Variants in SLC38A10 observed in about 807,000 individuals in gnomAD.
SLC38A10 encodes Sodium-coupled neutral amino acid transporter 10.
A neutral mutation model predicts 81.0 loss-of-function variants in SLC38A10; 53 were observed. The ratio of observed to expected loss-of-function variants is 0.65; its 90% CI spans 0.53 to 0.82. The LOEUF is 0.82. Among genes scored for constraint, SLC38A10 ranks in the 40% least tolerant of loss-of-function variants. The pLI is 0.00. For missense variants in SLC38A10, 1,471 were observed against 1,545.0 expected (o/e 0.95, Z 0.80); for synonymous variants, 665 against 655.3 (o/e 1.01, Z -0.23).
intron 11 of SLC38A10, among the ~76,000 whole-genome samples, chr17:81,256,934 T>C (rs1223356241): frequency 6.6e-6 from 1 of 152,208 alleles, no homozygotes; most frequent in African/African-American, 2.4e-5. Flanking sequence ...CGGAACCTCC[T>C]CACCACTGCT....
rs747963428 is a variant in SLC38A10, at chr17:81,246,441, C to T, written c.2475G>A (p.Glu825=). The T allele has an allele frequency of 5.6e-6, 9 of 1,594,706 alleles. No homozygotes were observed. The East Asian group carries it at 1.6e-4, about 28-fold the overall frequency. ...AGPPDGGPDT[E]PRAAQAKLRD... ...TCAGCTTGGCCTGGGCTGCCCGAGG[C>T]TCTGTGTCAGGGCCGCCGTCAGGAG... Residue 825 remains glutamate (E), a synonymous_variant, in exon 16 of 16, where the codon GAG becomes GAA. Coordinates refer to ENST00000374759, the MANE Select transcript of SLC38A10 (RefSeq NM_001037984.3).
intron 8 of SLC38A10, 139 bp downstream of exon 8, chr17:81,275,830 C>T (rs2063155869): frequency 1.6e-5 from 16 of 986,442 alleles, no homozygotes; most frequent in Non-Finnish European, 2.2e-5. Context: ...TAGGCTCCCC[C>T]AACTTCCGCC....
chr17:81,251,727 T>C, intron 13 of SLC38A10, 115 bp from the exon 14 acceptor site: 2 of 1,162,178 alleles, frequency 1.7e-6, no homozygotes, highest in Non-Finnish European at 2.3e-6. Context: ...GTTTCTAAAG[T>C]GACACCCCCG....
At chr17:81,250,970 C>T (rs1314566631) in intron 14 of SLC38A10, 19 of 1,322,682 alleles carry the variant, frequency 1.4e-5, no homozygotes, top group African/African-American at 4.5e-5. Context: ...TGAACACAGC[C>T]GAGCTCCGAG....
chr17:81,258,562 C>T (rs745870576), intron 11 of SLC38A10, among the ~76,000 whole-genome samples: 52 of 152,140 alleles, frequency 3.4e-4, no homozygotes, highest in Admixed American at 8.5e-4. Context: ...ACCGAGAAGT[C>T]CACTCCCCGG....
At chr17:81,263,007 C>T (rs543324888) in intron 10 of SLC38A10, 2 of 152,370 alleles carry the variant, frequency 1.3e-5, no homozygotes, top group East Asian at 3.9e-4. Flanking sequence ...ACCGACGAGC[C>T]TTGGAAAGGA....
intron 1 of SLC38A10, among the ~76,000 whole-genome samples, chr17:81,292,834 G>A (rs372492633): frequency 3.0e-4 from 45 of 152,200 alleles, no homozygotes; most frequent in Non-Finnish European, 4.7e-4. Context: ...GCACTTCACC[G>A]ACAGGCATCA....
At position 81,246,485 on chromosome 17, in the gene SLC38A10, C is replaced by A. The variant is rs762204960; in HGVS notation, c.2431G>T (p.Gly811Cys). ...TCAGGAGGGCCAGCAGGGTCTCTGC[C>A]CACAGGCCCCTCAGAGTGCTCCAGG... ...RSLEHSEGPVGRDPAGPPDGG... is the reference protein window; with the variant it reads ...RSLEHSEGPVCRDPAGPPDGG... The change falls in exon 16 of 16, where the codon GGC becomes TGC. Residue 811 changes from glycine (G) to cysteine (C), a missense_variant. By Grantham distance (159) the Gly-to-Cys change is radical (BLOSUM62 -3). Transcript: ENST00000374759. The A allele has an allele frequency of 9.0e-6, 14 of 1,558,112 alleles. No individual in the cohort carries two copies. The highest frequency in any genetic ancestry group is 1.2e-5 in the Non-Finnish European group (14 of 1,154,400).
Position 81,246,404 on chromosome 17 carries a change from T to C in SLC38A10, c.2512A>G (p.Lys838Glu), listed in dbSNP as rs2062851826. The change falls in exon 16 of 16, where the codon AAG becomes GAG. Residue 838 changes from lysine to glutamate, a missense_variant. This residue lies in a region of SLC38A10 where 751 missense variants were observed against 717.4 expected (regional missense o/e 1.05). Coordinates refer to ENST00000374759, the MANE Select transcript of SLC38A10 (RefSeq NM_001037984.3). ...AAQAKLRDGQ[K>E]DAAPRAAGTV... is the part of the protein sequence containing the mutation. ...CCAGCTGCCCTGGGGGCGGCATCCT[T>C]CTGGCCATCTCTCAGCTTGGCCTGG... 6.2e-7 allele frequency: 1 copy of C among 1,600,886 alleles called. No individual in the cohort carries two copies. The highest frequency in any genetic ancestry group is 2.2e-5 in the East Asian group (1 of 44,732).
At position 81,284,903 on chromosome 17, in the gene SLC38A10, A is replaced by C; in HGVS notation, c.218-8T>G. 1.3e-6 allele frequency: 2 copies of C among 1,544,058 alleles called. No homozygotes were observed. Among genetic ancestry groups the C allele is most frequent in the Non-Finnish European group, 1.7e-6 (2 of 1,143,172 alleles). On this transcript the variant is annotated splice_polypyrimidine_tract_variant and splice_region_variant and intron_variant, in intron 2 of 15. Coordinates refer to ENST00000374759, the MANE Select transcript of SLC38A10 (RefSeq NM_001037984.3). ...TCCCGTAGGCGTGGAATGCTAGTGC[A>C]AAAGAAAAAGGAACACTCAATCCAA... is the stretch of plus-strand genomic sequence containing the variant.
rs1212642804 is a variant in SLC38A10 at position 81,260,358 on chromosome 17, T to A, written c.1168A>T (p.Ser390Cys). ...CTCACAGACAGTGTGGTGACAGTGC[T>A]CACCACCAGGACGCCCAGGCCGACC... ...LWVGLGVLVVSTVTTLSVSEE... is the reference protein window; with the variant it reads ...LWVGLGVLVVCTVTTLSVSEE... The change falls in exon 11 of 16, where the codon AGC becomes TGC. Residue 390 changes from serine (S) to cysteine (C), a missense_variant. Ser to Cys is a moderately radical substitution (Grantham distance 112). This residue lies in a region of SLC38A10 where 720 missense variants were observed against 827.7 expected (regional missense o/e 0.87). Coordinates refer to ENST00000374759, the MANE Select transcript of SLC38A10 (RefSeq NM_001037984.3). 1 of 1,611,226 alleles carries A rather than the reference T, an allele frequency of 6.2e-7. No homozygotes were observed. Among genetic ancestry groups the A allele is most frequent in the East Asian group, 2.2e-5 (1 of 44,824 alleles).
chr17:81,283,637 A>G lies in SLC38A10; in HGVS notation c.264-135T>C. ...TTTTTCTTTTTTTTTTTTTTGAAAC[A>G]GAGTCTCACTCTGTCGCCCAGGCTG... On this transcript the variant is annotated intron_variant, in intron 3 of 15. Transcript: ENST00000374759. This position sits in a 1 kb window ranked among gnomAD's most constrained non-coding sequence, Gnocchi z 4.7. The G allele has an allele frequency of 1.8e-6, 1 of 566,874 alleles. No homozygotes were observed. Among genetic ancestry groups the G allele is most frequent in the Admixed American group, 3.0e-5 (1 of 32,844 alleles). 35.1% of individuals were successfully genotyped at this position (566,874 alleles called of 1,614,324 possible). A position where few individuals can be genotyped will look rare whatever the true frequency, so the allele number is the denominator to read the frequency against.
At chr17:81,251,472 G>A in intron 14 of SLC38A10, 21 bp downstream of exon 14, 1 of 1,605,570 alleles carries the variant, frequency 6.2e-7, no homozygotes, top group South Asian at 1.1e-5. Flanking sequence ...GAGGCAGGCG[G>A]CTGTAGGGCG....
chr17:81,250,447 G>A (rs551777622), intron 14 of SLC38A10, among the ~76,000 whole-genome samples: 94 of 152,356 alleles, frequency 6.2e-4, no homozygotes, highest in African/African-American at 2.1e-3. Flanking sequence ...GGCAAGATGC[G>A]CGGGCAGGAA....
chr17:81,251,918 C>G (rs764552164), intron 13 of SLC38A10: 41 of 530,010 alleles, frequency 7.7e-5, no homozygotes, highest in Non-Finnish European at 1.2e-4. Flanking sequence ...GCGCCCCCCG[C>G]GCCGCCCCCC....
At chr17:81,292,183 A>G (rs1210917854) in intron 1 of SLC38A10, among the ~76,000 whole-genome samples, 1 of 152,060 alleles carries the variant, frequency 6.6e-6, no homozygotes, top group African/African-American at 2.4e-5. Context: ...GCTGGAGTGC[A>G]GTGGCGCGAT....
chr17:81,253,724 C>CCAT lies in SLC38A10; in HGVS notation c.1289-487_1289-485dup, dbSNP rs1484939914. Among the ~76,000 whole-genome samples the CCAT allele has an allele frequency of 8.6e-6, 1 of 116,202 alleles. No homozygotes were observed. The highest frequency in any genetic ancestry group is 1.7e-5 in the Non-Finnish European group (1 of 57,364). 76.2% of individuals were successfully genotyped at this position (116,202 alleles called of 152,430 possible). A position where few individuals can be genotyped will look rare whatever the true frequency, so the allele number is the denominator to read the frequency against. ...ATCACCATCACCATCACCATCATCA[C>CCAT]CATCTCCATCCCTACCACCATCACC... On this transcript the variant is annotated intron_variant, in intron 11 of 15. Transcript: ENST00000374759. The surrounding 1 kb of genome is among the most constrained non-coding windows in gnomAD (Gnocchi z 4.1).
chr17:81,258,424 C>G (rs576812968), intron 11 of SLC38A10, among the ~76,000 whole-genome samples: 7 of 152,170 alleles, frequency 4.6e-5, no homozygotes, highest in Non-Finnish European at 1.0e-4. Flanking sequence ...GATGTGGCCT[C>G]GGAGGGCACC....
At chr17:81,294,428 T>C (rs912726970) in intron 1 of SLC38A10, among the ~76,000 whole-genome samples, 1 of 152,202 alleles carries the variant, frequency 6.6e-6, no homozygotes, top group Non-Finnish European at 1.5e-5. Flanking sequence ...TGTCGAAGCC[T>C]GGGAGTGGTG....
Sources: allele counts gnomAD v4.1 joint callset (sites outside exome capture counted in the v4.1 genomes callset), GRCh38; gene constraint gnomAD v4.1.1; regional missense constraint gnomAD v4.1.1; non-coding constraint Gnocchi (gnomAD v3.1); transcripts MANE v1.5; gene names NCBI Gene and HGNC (gene_info 2026-07-23, HGNC 2026-07-21).